The following PINX1 variants were observed in gnomAD, a reference collection of about 807,000 sequenced individuals.
PINX1 encodes PIN2 (TERF1) interacting telomerase inhibitor 1.
Under a neutral mutation model 25.4 loss-of-function variants are expected in PINX1, and 34 were observed. The ratio of observed to expected loss-of-function variants is 1.34; its 90% CI spans 1.02 to 1.78. The LOEUF (loss-of-function observed/expected upper bound fraction) is 1.78. PINX1 is among the 40% of genes most tolerant of loss of function. The pLI, the probability that PINX1 is intolerant of heterozygous loss-of-function variation, is 0.00. For missense variants in PINX1, 592 were observed against 404.9 expected, an observed-to-expected ratio of 1.46 and a Z score of -3.97; for synonymous variants, 197 against 147.7, an observed-to-expected ratio of 1.33 and a Z score of -2.42.
At chr8:10,808,625 G>A (rs1216303088) in intron 6 of PINX1, among the ~76,000 whole-genome samples, 2 of 152,156 alleles carry the variant, frequency 1.3e-5, no homozygotes, top group South Asian at 4.1e-4. Context: ...GTCCAGTAGC[G>A]CAGTGCTAGC....
intron 6 of PINX1, among the ~76,000 whole-genome samples, chr8:10,810,691 T>C (rs1475162239): frequency 6.6e-6 from 1 of 152,226 alleles, no homozygotes; most frequent in Admixed American, 6.5e-5. Flanking sequence ...TGCTCACTAC[T>C]GTGAAGGAAA....
chr8:10,826,513 G>C (rs1204595980), intron 4 of PINX1, among the ~76,000 whole-genome samples: 2 of 152,172 alleles, frequency 1.3e-5, no homozygotes, highest in Non-Finnish European at 2.9e-5. Context: ...AGGAAGAAAT[G>C]GAAACTTGTG....
intron 6 of PINX1, among the ~76,000 whole-genome samples, chr8:10,775,410 G>GTGT (rs1801357479): frequency 9.1e-6 from 1 of 109,594 alleles, no homozygotes; most frequent in African/African-American, 3.2e-5. Context: ...CTGTTTTGTG[G>GTGT]TTTTTTTTTT....
At chr8:10,831,831 A>G in intron 3 of PINX1, 88 bp from the exon 4 acceptor site, 2 of 733,714 alleles carry the variant, frequency 2.7e-6, no homozygotes, top group Middle Eastern at 2.3e-4. Flanking sequence ...AAGGAAATCC[A>G]GTGGTTAATT....
At position 10,839,623 on chromosome 8, in the gene PINX1, T is replaced by C. The variant is rs878868398; in HGVS notation, c.19+115A>G. ...CGGGCTCGGCTCCCCGGTCCCCCGATCCCATGCGCCAGGCGCGCCGGCAAC... is the reference window on the plus strand; with the variant it reads ...CGGGCTCGGCTCCCCGGTCCCCCGACCCCATGCGCCAGGCGCGCCGGCAAC... On this transcript the variant is annotated intron_variant, in intron 1 of 6. Transcript: ENST00000314787. 4.7e-6 allele frequency: 5 copies of C among 1,063,686 alleles called. No individual in the cohort carries two copies. The African/African-American group carries it at 7.9e-5, about 17-fold the overall frequency. The allele number at this position is 1,063,686 out of a possible 1,614,324, so 65.9% of individuals were successfully genotyped here.
intron 6 of PINX1, among the ~76,000 whole-genome samples, chr8:10,792,623 G>C (rs1040135516): frequency 6.6e-6 from 1 of 152,148 alleles, no homozygotes; most frequent in Non-Finnish European, 1.5e-5. Context: ...TGGAATTCAT[G>C]AAAGGCTTGC....
intron 6 of PINX1, among the ~76,000 whole-genome samples, chr8:10,768,998 T>TA (rs994436452): frequency 2.0e-5 from 3 of 151,704 alleles, no homozygotes; most frequent in Non-Finnish European, 2.9e-5. Flanking sequence ...AAAAATAAAA[T>TA]AAAAAAAAAT....
chr8:10,792,957 T>G (rs967982110), intron 6 of PINX1, among the ~76,000 whole-genome samples: 7 of 152,176 alleles, frequency 4.6e-5, no homozygotes, highest in Non-Finnish European at 8.8e-5. Flanking sequence ...GACCGCACAC[T>G]GCACCTCAGC....
At chr8:10,826,909 A>G (rs1424669683) in intron 4 of PINX1, among the ~76,000 whole-genome samples, 1 of 152,228 alleles carries the variant, frequency 6.6e-6, no homozygotes, top group African/African-American at 2.4e-5. Context: ...CCAATCCTGT[A>G]TCTTCACCAT....
At chr8:10,782,226 G>C (rs942578554) in intron 6 of PINX1, among the ~76,000 whole-genome samples, 6 of 152,058 alleles carry the variant, frequency 3.9e-5, no homozygotes, top group African/African-American at 1.4e-4. Context: ...CAGGTGTGTA[G>C]GTCCCCACAC....
At chr8:10,775,410 G>GTTTTTTTTTTTTTTTTTTTTTTTTT (rs143926728) in intron 6 of PINX1, among the ~76,000 whole-genome samples, 2 of 109,616 alleles carry the variant, frequency 1.8e-5, no homozygotes, top group Non-Finnish European at 3.7e-5. Flanking sequence ...CTGTTTTGTG[G>GTTTTTTTTTTTTTTTTTTTTTTTTT]TTTTTTTTTT....
intron 6 of PINX1, among the ~76,000 whole-genome samples, chr8:10,794,675 CACGAGGCTTCCCAAAGTGCTGGGATT>C (rs1468766379): frequency 7.9e-5 from 12 of 152,146 alleles, no homozygotes; most frequent in Non-Finnish European, 1.5e-4. Context: ...TCCGTCCGAT[CACGAGGCTTCCCAAAGTGCTGGGATT>C]ACGGGCATGA....
At chr8:10,831,888 T>G (rs1329086079) in intron 3 of PINX1, 145 bp from the exon 4 acceptor site, 1 of 622,968 alleles carries the variant, frequency 1.6e-6, no homozygotes, top group Non-Finnish European at 2.9e-6. Flanking sequence ...TAAATTTAAG[T>G]GGATTCAAGA....
intron 6 of PINX1, among the ~76,000 whole-genome samples, chr8:10,770,995 C>A (rs1344020756): frequency 1.3e-5 from 2 of 152,168 alleles, no homozygotes; most frequent in Non-Finnish European, 2.9e-5. Flanking sequence ...GGGTTGTGAG[C>A]CCTGATGGCT....
chr8:10,815,923 G>A (rs1563227819), intron 6 of PINX1, among the ~76,000 whole-genome samples: 1 of 152,182 alleles, frequency 6.6e-6, no homozygotes, highest in Non-Finnish European at 1.5e-5. Context: ...AACGACAATC[G>A]GCCTTTAGCA....
intron 6 of PINX1, among the ~76,000 whole-genome samples, chr8:10,778,518 C>T (rs1305105714): frequency 1.3e-5 from 2 of 152,110 alleles, no homozygotes; most frequent in African/African-American, 4.8e-5. Flanking sequence ...TACTTTCTAA[C>T]GGAGCACTTT....
At chr8:10,816,416 C>A (rs1039239915) in intron 6 of PINX1, among the ~76,000 whole-genome samples, 1 of 152,150 alleles carries the variant, frequency 6.6e-6, no homozygotes, top group African/African-American at 2.4e-5. Flanking sequence ...TCAGATCATC[C>A]AGTTCAATAG....
At chr8:10,814,298 G>GT (rs2129084002) in intron 6 of PINX1, among the ~76,000 whole-genome samples, 1 of 152,326 alleles carries the variant, frequency 6.6e-6, no homozygotes, top group East Asian at 1.9e-4. Context: ...CTGGCAGTTC[G>GT]TGATGATCTT....
intron 6 of PINX1, among the ~76,000 whole-genome samples, chr8:10,766,985 A>T (rs1310731884): frequency 6.6e-6 from 1 of 152,202 alleles, no homozygotes; most frequent in African/African-American, 2.4e-5. Context: ...CAATGTCTGC[A>T]GCAACTCTGC....
Sources: gnomAD v4.1 joint callset for allele counts (sites outside exome capture counted in the v4.1 genomes callset) on GRCh38, gnomAD v4.1.1 for gene constraint, MANE v1.5 for transcripts, NCBI Gene and HGNC (gene_info 2026-07-23, HGNC 2026-07-21) for gene names.